ASB3: variants seen among roughly 807,000 people sequenced by gnomAD.
ASB3 encodes the protein ankyrin repeat and SOCS box containing 3.
In ASB3, 41 loss-of-function variants were observed where a neutral mutation model predicts 54.5. The observed-to-expected ratio is 0.75, with a 90% CI of 0.59 to 0.98. The LOEUF (loss-of-function observed/expected upper bound fraction) is 0.98, where lower values mean the gene tolerates loss of function less well. Ranked by LOEUF, ASB3 falls within the 50% of genes least tolerant of loss-of-function variation. ASB3 has a pLI of 0.00. For synonymous variants in ASB3, 266 were observed against 221.2 expected, an observed-to-expected ratio of 1.20 and a Z score of -1.80; for missense variants, 733 against 620.0, an observed-to-expected ratio of 1.18 and a Z score of -1.94.
At chr2:53,773,224 A>C (rs1182673947) in intron 1 of ASB3, among the ~76,000 whole-genome samples, 1 of 152,008 alleles carries the variant, frequency 6.6e-6, no homozygotes, top group Non-Finnish European at 1.5e-5. Flanking sequence ...TTTTTTAATG[A>C]CCAAGTGAAA....
Position 53,750,872 on chromosome 2 carries a change from T to C in ASB3, c.266A>G (p.Gln89Arg). 1 of 1,602,916 alleles carries C rather than the reference T, an allele frequency of 6.2e-7. No individual in the cohort carries two copies. The highest frequency in any genetic ancestry group is 8.5e-7 in the Non-Finnish European group (1 of 1,174,464). Residue 89 changes from glutamine to arginine, a missense_variant, in exon 3 of 10, where the codon CAA becomes CGA. By Grantham distance (43) the Gln-to-Arg change is conservative. Transcript: ENST00000263634. ...AATCTGTACGATTTTCCAATGTCCT[T>C]GACTTGCAGCGAGATGCAAAGCACA... ...GFCALHLAAS[Q>R]GHWKIVQILL...
Position 53,670,523 on chromosome 2 carries a change from C to G in ASB3, c.1537G>C (p.Ala513Pro), listed in dbSNP as rs1667755432. Reference sequence around the variant, plus strand: ...CTGATTTATCCATCTTGAATAGCTGCCAGTTCTGGAACTTCATACATCCTC... The same window carrying G: ...CTGATTTATCCATCTTGAATAGCTGGCAGTTCTGGAACTTCATACATCCTC... ...VLRMYEVPEL[A>P]AIQDG Residue 513 changes from alanine to proline, a missense_variant, in exon 10 of 10, where the codon GCA becomes CCA. Ala to Pro is a conservative substitution (Grantham distance 27, BLOSUM62 -1). Transcript: ENST00000263634. 2 of 1,613,388 alleles carry G rather than the reference C, an allele frequency of 1.2e-6. No homozygotes were observed. Among genetic ancestry groups the G allele is most frequent in the African/African-American group, 1.3e-5 (1 of 74,844 alleles).
rs564821661 is a variant in ASB3, at chr2:53,717,696, T to C, written c.605-953A>G. Among the ~76,000 whole-genome samples, 9 of 152,084 alleles carry C rather than the reference T, an allele frequency of 5.9e-5. No individual in the cohort carries two copies. In the South Asian group the frequency reaches 1.7e-3, roughly 28 times the overall value. On this transcript the variant is annotated intron_variant, in intron 5 of 9. Coordinates refer to ENST00000263634, the MANE Select transcript of ASB3 (RefSeq NM_016115.5). Reference sequence around the variant, plus strand: ...TTCCCGCAATGGTTCCTGACCCAAATGGAAACTCAGAAATGACAGATAAAG... The same window carrying C: ...TTCCCGCAATGGTTCCTGACCCAAACGGAAACTCAGAAATGACAGATAAAG...
intron 5 of ASB3, among the ~76,000 whole-genome samples, chr2:53,718,207 A>G (rs1670504258): frequency 6.6e-6 from 1 of 152,154 alleles, no homozygotes. Context: ...GTGAACGTGA[A>G]TATCACCATG....
At chr2:53,671,835 GT>G (rs1667840797) in intron 9 of ASB3, among the ~76,000 whole-genome samples, 1 of 116,546 alleles carries the variant, frequency 8.6e-6, no homozygotes, top group South Asian at 2.5e-4. Context: ...AGAAGTTAAT[GT>G]CTGCTTTTAT....
chr2:53,671,633 C>T (rs544298201), intron 9 of ASB3, among the ~76,000 whole-genome samples: 18 of 151,948 alleles, frequency 1.2e-4, no homozygotes, highest in Admixed American at 1.1e-3. Flanking sequence ...GTGGCACATG[C>T]CTGTAATCCC....
chr2:53,744,384 C>CAAAAAAAA (rs779225958), intron 3 of ASB3, among the ~76,000 whole-genome samples: 1 of 139,956 alleles, frequency 7.1e-6, no homozygotes, highest in African/African-American at 2.8e-5. Flanking sequence ...GACTCTGTCT[C>CAAAAAAAA]AAAAAAATAA....
rs183378246 is a variant in ASB3 at position 53,776,301 on chromosome 2, G to T, written c.-14+10520C>A. 2.9e-3 allele frequency among the ~76,000 whole-genome samples: 437 copies of T among 152,254 alleles called. 2 individuals carry two copies. Among genetic ancestry groups the T allele is most frequent in the Non-Finnish European group, 4.7e-3 (322 of 68,016 alleles). On this transcript the variant is annotated intron_variant, in intron 1 of 9. Transcript: ENST00000263634. The stretch of plus-strand genomic sequence containing the variant: ...TCACTTGTCCTGTAAAACAGAAAGG[G>T]TGATAAATTTATTAAATTTCTAATT...
At chr2:53,742,576 T>G (rs1442253078) in intron 3 of ASB3, among the ~76,000 whole-genome samples, 4 of 151,718 alleles carry the variant, frequency 2.6e-5, no homozygotes, top group Admixed American at 1.3e-4. Flanking sequence ...AACACTGAAA[T>G]ACAAGTGCTC....
At chr2:53,673,950 T>C (rs1488062055) in intron 9 of ASB3, among the ~76,000 whole-genome samples, 1 of 152,188 alleles carries the variant, frequency 6.6e-6, no homozygotes, top group Non-Finnish European at 1.5e-5. Flanking sequence ...GACAATAATA[T>C]GCCTGTCAGT....
chr2:53,710,324 G>A (rs1482286917), intron 7 of ASB3, among the ~76,000 whole-genome samples: 1 of 152,108 alleles, frequency 6.6e-6, no homozygotes, highest in Non-Finnish European at 1.5e-5. Flanking sequence ...ATTTTTCATT[G>A]CAGATTATTG....
Position 53,786,895 on chromosome 2 carries a change from C to G in ASB3, c.-88G>C. The G allele has an allele frequency of 3.0e-6, 1 of 328,578 alleles. No individual in the cohort carries two copies. The highest frequency in any genetic ancestry group is 5.6e-6 in the Non-Finnish European group (1 of 179,368). 20.4% of individuals were successfully genotyped at this position (328,578 alleles called of 1,614,324 possible). ...TCCAGAGCTGCGTCCCAGAAGCCCC[C>G]GCTTTCGATCCCCACCGCGATGCTG... On this transcript the variant is annotated 5_prime_UTR_variant, in exon 1 of 10. Coordinates refer to ENST00000263634, the MANE Select transcript of ASB3 (RefSeq NM_016115.5).
chr2:53,734,503 G>A (rs1020082224), intron 3 of ASB3, among the ~76,000 whole-genome samples: 1 of 152,020 alleles, frequency 6.6e-6, no homozygotes, highest in African/African-American at 2.4e-5. Context: ...TGTCTACTTA[G>A]TGCCTATTAT....
At chr2:53,724,291 A>T (rs914163131) in intron 5 of ASB3, among the ~76,000 whole-genome samples, 1 of 152,172 alleles carries the variant, frequency 6.6e-6, no homozygotes, top group Non-Finnish European at 1.5e-5. Flanking sequence ...CAAGCAAAAA[A>T]CAACCCCATT....
At chr2:53,721,853 C>A (rs1012787241) in intron 5 of ASB3, among the ~76,000 whole-genome samples, 3 of 151,856 alleles carry the variant, frequency 2.0e-5, no homozygotes, top group Non-Finnish European at 2.9e-5. Context: ...CAGAGTGGAA[C>A]TGAATGAAAT....
Position 53,767,637 on chromosome 2 carries a change from A to G in ASB3, c.-13-2052T>C, listed in dbSNP as rs563967921. 129 of 499,706 alleles carry G rather than the reference A, an allele frequency of 2.6e-4. 1 individual carries two copies. Among genetic ancestry groups the G allele is most frequent in the African/African-American group, 2.3e-3 (121 of 51,898 alleles). The allele number at this position is 499,706 out of a possible 1,614,324, so 31.0% of individuals were successfully genotyped here. ...GTTAGGGTGATTTACGGATGCTGCA[A>G]AAGAATCCATTGCTTACTACACCGA... On this transcript the variant is annotated intron_variant, in intron 1 of 9. Transcript: ENST00000263634.
At chr2:53,702,449 G>A (rs1198394957) in intron 7 of ASB3, among the ~76,000 whole-genome samples, 4 of 152,066 alleles carry the variant, frequency 2.6e-5, no homozygotes, top group Admixed American at 1.3e-4. Flanking sequence ...GATAACCTCT[G>A]GTTAAAATAT....
chr2:53,699,091 GC>G (rs1324735764), intron 8 of ASB3, among the ~76,000 whole-genome samples: 2 of 152,128 alleles, frequency 1.3e-5, no homozygotes, highest in African/African-American at 4.8e-5. Flanking sequence ...AAGTCAAGGG[GC>G]CCATCTGATG....
At chr2:53,740,908 C>T (rs553405589) in intron 3 of ASB3, among the ~76,000 whole-genome samples, 1 of 152,284 alleles carries the variant, frequency 6.6e-6, no homozygotes, top group South Asian at 2.1e-4. Flanking sequence ...CCGTATGTCT[C>T]CCCAGCAGCA....
Sources: gnomAD v4.1 joint callset for allele counts (sites outside exome capture counted in the v4.1 genomes callset) on GRCh38, gnomAD v4.1.1 for gene constraint, MANE v1.5 for transcripts, NCBI Gene and HGNC (gene_info 2026-07-23, HGNC 2026-07-21) for gene names.